The following JAK2 variants were observed in gnomAD, a reference collection of about 807,000 sequenced individuals.
JAK2 encodes Janus kinase 2.
Under a neutral mutation model 139.3 loss-of-function variants are expected in JAK2, and 86 were observed. The observed-to-expected ratio is 0.62, with a 90% CI of 0.52 to 0.74. The LOEUF (loss-of-function observed/expected upper bound fraction) is 0.74, where lower values mean the gene tolerates loss of function less well. Among genes scored for constraint, JAK2 ranks in the 30% least tolerant of loss-of-function variants. The pLI is 0.00. For missense variants in JAK2, 1,421 were observed against 1,360.3 expected (o/e 1.04, Z -0.70); for synonymous variants, 490 against 437.7 (o/e 1.12, Z -1.49).
At chr9:5,111,912 G>C (rs1447013902) in intron 22 of JAK2, 1 of 352,360 alleles carries the variant, frequency 2.8e-6, no homozygotes, top group Non-Finnish European at 5.6e-6. Flanking sequence ...GGAAGGCCTG[G>C]CCTCAATCTA....
chr9:5,069,302 G>T, intron 11 of JAK2, 94 bp downstream of exon 11: 1 of 757,870 alleles, frequency 1.3e-6, no homozygotes. Flanking sequence ...AAGGATATAT[G>T]AAAGAAGCAG....
chr9:5,106,239 A>G (rs1255169586), intron 22 of JAK2, among the ~76,000 whole-genome samples: 1 of 152,234 alleles, frequency 6.6e-6, no homozygotes. Context: ...TGGGCAAAGG[A>G]TATGAACAGA....
At chr9:5,043,020 C>T (rs1475617551) in intron 4 of JAK2, among the ~76,000 whole-genome samples, 1 of 151,856 alleles carries the variant, frequency 6.6e-6, no homozygotes, top group Non-Finnish European at 1.5e-5. Flanking sequence ...GCGGCTCGGC[C>T]CCTGGGCCCT....
intron 8 of JAK2, 101 bp from the exon 9 acceptor site, chr9:5,064,782 A>C (rs1818449624): frequency 1.2e-6 from 1 of 816,126 alleles, no homozygotes; most frequent in Admixed American, 2.8e-5. Flanking sequence ...TGAGCAATTT[A>C]GAAGAAAATT....
chr9:5,044,092 T>G (rs116595267), intron 4 of JAK2, among the ~76,000 whole-genome samples: 66 of 152,376 alleles, frequency 4.3e-4, no homozygotes, highest in African/African-American at 1.5e-3. Context: ...GATTCCCTAC[T>G]GATGTTACTG....
At chr9:5,049,123 T>C (rs1342892717) in intron 5 of JAK2, among the ~76,000 whole-genome samples, 1 of 152,198 alleles carries the variant, frequency 6.6e-6, no homozygotes, top group Non-Finnish European at 1.5e-5. Context: ...GTATCTTCTG[T>C]TTCCTGGATC....
chr9:5,117,032 A>G (rs1352565685), intron 22 of JAK2, among the ~76,000 whole-genome samples: 1 of 152,228 alleles, frequency 6.6e-6, no homozygotes, highest in Non-Finnish European at 1.5e-5. Flanking sequence ...GGCTTCATGC[A>G]GCATTTGGCT....
intron 22 of JAK2, chr9:5,113,439 A>C (rs1586823113): frequency 6.7e-6 from 1 of 149,704 alleles, no homozygotes; most frequent in Non-Finnish European, 1.5e-5. Context: ...AAAAAAAAAA[A>C]AAAAAAAAAA....
chr9:5,021,171 A>T (rs1163049249), intron 2 of JAK2, among the ~76,000 whole-genome samples: 1 of 151,754 alleles, frequency 6.6e-6, no homozygotes, highest in Non-Finnish European at 1.5e-5. Flanking sequence ...AGGCTGCCCC[A>T]CTTCCCTCTC....
At chr9:5,116,905 A>T (rs543772669) in intron 22 of JAK2, among the ~76,000 whole-genome samples, 1 of 152,372 alleles carries the variant, frequency 6.6e-6, no homozygotes, top group Admixed American at 6.5e-5. Flanking sequence ...AGGTACTGGG[A>T]AAACATAACA....
intron 8 of JAK2, among the ~76,000 whole-genome samples, chr9:5,064,109 T>G (rs1198888052): frequency 6.6e-6 from 1 of 152,098 alleles, no homozygotes; most frequent in African/African-American, 2.4e-5. Flanking sequence ...TGAGCCAAGA[T>G]CGCGCCATTG....
chr9:4,984,504 A>G (rs1206477833), upstream of JAK2: 1 of 151,604 alleles, frequency 6.6e-6, no homozygotes, highest in South Asian at 2.1e-4. Flanking sequence ...TCCCACCCTC[A>G]CCCCTTTCCA....
chr9:5,014,533 A>ATCAGAACAGC (rs1160139341), intron 2 of JAK2, among the ~76,000 whole-genome samples: 1 of 152,182 alleles, frequency 6.6e-6, no homozygotes, highest in Non-Finnish European at 1.5e-5. Context: ...GTGGGAAAAT[A>ATCAGAACAGC]TCAGAACAGC....
chr9:5,092,308 G>A (rs977395212), intron 22 of JAK2, among the ~76,000 whole-genome samples: 6 of 152,084 alleles, frequency 3.9e-5, no homozygotes, highest in Non-Finnish European at 5.9e-5. Flanking sequence ...GTCACCCTCC[G>A]CAAATATCAT....
intron 19 of JAK2, among the ~76,000 whole-genome samples, chr9:5,082,941 A>G (rs1819814416): frequency 6.6e-6 from 1 of 152,196 alleles, no homozygotes; most frequent in Non-Finnish European, 1.5e-5. Context: ...GGAATTTCTT[A>G]TGTCTTCCTT....
chr9:5,106,577 G>A (rs1398248054), intron 22 of JAK2, among the ~76,000 whole-genome samples: 4 of 152,178 alleles, frequency 2.6e-5, no homozygotes, highest in African/African-American at 9.7e-5. Flanking sequence ...TATAAATCAT[G>A]CTGCTATAAA....
In JAK2 at chr9:5,021,918, A is replaced by G; in HGVS notation, c.-25-45A>G. 4 of 1,156,588 alleles carry G rather than the reference A, an allele frequency of 3.5e-6. No homozygotes were observed. In the Admixed American group the frequency reaches 7.2e-5, roughly 21 times the overall value. 71.6% of individuals were successfully genotyped at this position (1,156,588 alleles called of 1,614,324 possible). A position where few individuals can be genotyped will look rare whatever the true frequency, so the allele number is the denominator to read the frequency against. On this transcript the variant is annotated intron_variant, in intron 2 of 24. Transcript: ENST00000381652. The stretch of plus-strand genomic sequence containing the variant: ...AAAGTGCTAGGATTACAGGTGTGAG[A>G]CACTGCGCCCAGCCCATTTGTAACT...
intron 2 of JAK2, among the ~76,000 whole-genome samples, chr9:5,001,498 T>C (rs918700908): frequency 2.0e-5 from 3 of 152,192 alleles, no homozygotes; most frequent in African/African-American, 4.8e-5. Context: ...TTGATTCATT[T>C]TCAAATGTCA....
At chr9:5,014,168 T>C (rs935696811) in intron 2 of JAK2, among the ~76,000 whole-genome samples, 6 of 148,828 alleles carry the variant, frequency 4.0e-5, no homozygotes, top group East Asian at 1.9e-4. Flanking sequence ...CTCTTTCTTT[T>C]TTTTTTTTTT....
Sources: gnomAD v4.1 joint callset for allele counts (sites outside exome capture counted in the v4.1 genomes callset) on GRCh38, gnomAD v4.1.1 for gene constraint, MANE v1.5 for transcripts, NCBI Gene and HGNC (gene_info 2026-07-23, HGNC 2026-07-21) for gene names.